Variants in GPC6 observed in about 807,000 individuals in gnomAD.
GPC6 encodes glypican 6.
Under a neutral mutation model 55.2 loss-of-function variants are expected in GPC6, and 14 were observed. The observed-to-expected ratio is 0.25, with a 90% confidence interval of 0.17 to 0.40. GPC6 has a LOEUF of 0.40. Among genes scored for constraint, GPC6 ranks in the 10% least tolerant of loss-of-function variants. The probability of loss-of-function intolerance (pLI) is 1.00; values close to 1 mark genes in which losing one functional copy is unlikely to be tolerated. For synonymous variants in GPC6, 278 were observed against 259.6 expected (o/e 1.07, Z -0.68); for missense variants, 641 against 708.5 (o/e 0.90, Z 1.08).
intron 4 of GPC6, among the ~76,000 whole-genome samples, chr13:94,113,450 CCCAT>C (rs1886319995): frequency 6.6e-6 from 1 of 152,074 alleles, no homozygotes; most frequent in Non-Finnish European, 1.5e-5. Context: ...CCCAGCAACC[CCCAT>C]TCACTCTAAT....
intron 1 of GPC6, among the ~76,000 whole-genome samples, chr13:93,235,963 T>G (rs1263462567): frequency 6.6e-6 from 1 of 152,170 alleles, no homozygotes; most frequent in African/African-American, 2.4e-5. Flanking sequence ...AAACACAAGA[T>G]GATGGCTAGA....
In GPC6 at chr13:93,811,458, G is replaced by C. The variant is rs143063452; in HGVS notation, c.320-18696G>C. On this transcript the variant is annotated intron_variant, in intron 2 of 8. Coordinates refer to ENST00000377047, the MANE Select transcript of GPC6 (RefSeq NM_005708.5). Reference sequence around the variant, plus strand: ...GGTCATTGACAAGCTTGCAGAAAATGGCTTGGGTAGTATCATAATCAGGTA... The same window carrying C: ...GGTCATTGACAAGCTTGCAGAAAATCGCTTGGGTAGTATCATAATCAGGTA... 7.6e-4 allele frequency among the ~76,000 whole-genome samples: 116 copies of C among 152,298 alleles called. 2 individuals carry two copies. The East Asian group carries it at 0.02, about 27-fold the overall frequency.
chr13:93,929,658 G>GTCT (rs1335189043), intron 3 of GPC6, among the ~76,000 whole-genome samples: 2 of 151,832 alleles, frequency 1.3e-5, no homozygotes, highest in Non-Finnish European at 2.9e-5. Context: ...GGAGTTCAGG[G>GTCT]TCTAGTTCAG....
chr13:93,977,467 GGTGTGTGTGTGTGTGTGTGTGTGTGT>G (rs4001797), intron 3 of GPC6, among the ~76,000 whole-genome samples: 4 of 137,286 alleles, frequency 2.9e-5, no homozygotes, highest in South Asian at 2.4e-4. Context: ...GATGACAAGG[GGTGTGTGTGTGTGTGTGTGTGTGTGT>G]GTGTGTGTGT....
At chr13:93,733,403 A>G (rs1883894596) in intron 2 of GPC6, among the ~76,000 whole-genome samples, 1 of 151,980 alleles carries the variant, frequency 6.6e-6, no homozygotes, top group South Asian at 2.1e-4. Context: ...CTCACTAAAG[A>G]AAAACAGAAT....
intron 1 of GPC6, among the ~76,000 whole-genome samples, chr13:93,486,896 G>T (rs1293395694): frequency 6.7e-6 from 1 of 149,354 alleles, no homozygotes; most frequent in Non-Finnish European, 1.5e-5. Context: ...AGTAAGCTGA[G>T]ATCGTGCCAC....
intron 6 of GPC6, among the ~76,000 whole-genome samples, chr13:94,376,871 A>G (rs71429549): frequency 6.6e-6 from 1 of 151,848 alleles, no homozygotes; most frequent in Admixed American, 6.6e-5. Context: ...AATGGAACAG[A>G]ACAGAGCCCT....
intron 4 of GPC6, among the ~76,000 whole-genome samples, chr13:94,112,233 C>T: frequency 6.6e-6 from 1 of 151,848 alleles, no homozygotes; most frequent in East Asian, 1.9e-4. Flanking sequence ...TAGTAAGTTT[C>T]TACTCAAAAT....
At chr13:93,603,080 G>A (rs1406569734) in intron 2 of GPC6, among the ~76,000 whole-genome samples, 1 of 151,924 alleles carries the variant, frequency 6.6e-6, no homozygotes, top group East Asian at 1.9e-4. Flanking sequence ...CACCATCACA[G>A]CTCACTGTAG....
intron 1 of GPC6, among the ~76,000 whole-genome samples, chr13:93,280,947 C>G (rs932791421): frequency 1.4e-4 from 21 of 152,166 alleles, no homozygotes; most frequent in Non-Finnish European, 2.1e-4. Context: ...TAATGCTCGT[C>G]CCTTGCTCAC....
chr13:93,373,232 T>C (rs1398487697), intron 1 of GPC6, among the ~76,000 whole-genome samples: 1 of 152,206 alleles, frequency 6.6e-6, no homozygotes, highest in African/African-American at 2.4e-5. Flanking sequence ...TGCTTACTTT[T>C]AATGAACCCC....
intron 1 of GPC6, among the ~76,000 whole-genome samples, chr13:93,380,413 G>A (rs772406015): frequency 6.6e-6 from 1 of 152,194 alleles, no homozygotes; most frequent in East Asian, 1.9e-4. Context: ...TATAAGAATT[G>A]GTAAGGTCAT....
intron 3 of GPC6, among the ~76,000 whole-genome samples, chr13:93,860,805 A>G (rs1406470747): frequency 6.6e-6 from 1 of 151,724 alleles, no homozygotes; most frequent in South Asian, 2.1e-4. Context: ...AATTAATTCT[A>G]TTGCACAAAA....
intron 2 of GPC6, among the ~76,000 whole-genome samples, chr13:93,741,381 C>T (rs189056532): frequency 2.6e-5 from 4 of 152,206 alleles, no homozygotes; most frequent in African/African-American, 9.6e-5. Context: ...TCCCAAAGTG[C>T]TGGGATTACA....
At chr13:94,372,573 A>T (rs1879614007) in intron 6 of GPC6, among the ~76,000 whole-genome samples, 1 of 152,090 alleles carries the variant, frequency 6.6e-6, no homozygotes, top group South Asian at 2.1e-4. Flanking sequence ...ACGCCCACGG[A>T]GTCTCGCTGA....
At chr13:94,122,198 A>G (rs552511270) in intron 4 of GPC6, among the ~76,000 whole-genome samples, 12 of 152,230 alleles carry the variant, frequency 7.9e-5, no homozygotes, top group African/African-American at 1.2e-4. Flanking sequence ...TTTTTAAAAT[A>G]TAGAGAATAC....
intron 3 of GPC6, among the ~76,000 whole-genome samples, chr13:94,021,127 T>C (rs1368664199): frequency 3.3e-5 from 5 of 152,088 alleles, no homozygotes; most frequent in Admixed American, 1.3e-4. Flanking sequence ...ATTTAGAATG[T>C]ATTCTAGCTG....
intron 2 of GPC6, among the ~76,000 whole-genome samples, chr13:93,641,246 C>T (rs1879922938): frequency 6.7e-6 from 1 of 148,742 alleles, no homozygotes. Context: ...CCCACACACC[C>T]CACTTTTAGA....
intron 6 of GPC6, among the ~76,000 whole-genome samples, chr13:94,353,090 C>T (rs1878631575): frequency 6.6e-6 from 1 of 152,048 alleles, no homozygotes; most frequent in Non-Finnish European, 1.5e-5. Flanking sequence ...CCCTTCCTTC[C>T]TCAGTGCTAA....
Sources: allele counts gnomAD v4.1 joint callset (sites outside exome capture counted in the v4.1 genomes callset), GRCh38; gene constraint gnomAD v4.1.1; transcripts MANE v1.5; gene names NCBI Gene and HGNC (gene_info 2026-07-23, HGNC 2026-07-21).